Variants in CAMK4 observed in about 807,000 individuals in gnomAD.
CAMK4 encodes calcium/calmodulin-dependent protein kinase type IV.
CAMK4 carries 22 observed loss-of-function variants against 44.9 expected under a neutral mutation model. The observed-to-expected ratio is 0.49, with a 90% CI of 0.35 to 0.70. The LOEUF (loss-of-function observed/expected upper bound fraction) is 0.70, where lower values mean the gene tolerates loss of function less well. Among genes scored for constraint, CAMK4 ranks in the 30% least tolerant of loss-of-function variants. CAMK4 has a pLI of 0.01. For missense variants in CAMK4, 498 were observed against 586.8 expected (o/e 0.85, Z 1.56); for synonymous variants, 218 against 215.4 (o/e 1.01, Z -0.11).
intron 1 of CAMK4, among the ~76,000 whole-genome samples, chr5:111,311,449 G>A (rs1200253470): frequency 6.6e-6 from 1 of 152,156 alleles, no homozygotes; most frequent in East Asian, 1.9e-4. Flanking sequence ...TAGATGATAC[G>A]TTGATGGGCC....
intron 1 of CAMK4, among the ~76,000 whole-genome samples, chr5:111,326,554 C>T (rs1748895133): frequency 4.0e-5 from 6 of 149,830 alleles, no homozygotes; most frequent in Non-Finnish European, 3.0e-5. Context: ...CAATCTTTTG[C>T]AGAAAATTAA....
At chr5:111,461,868 C>T (rs1467971081) in intron 7 of CAMK4, among the ~76,000 whole-genome samples, 2 of 132,758 alleles carry the variant, frequency 1.5e-5, no homozygotes, top group Non-Finnish European at 3.2e-5. Flanking sequence ...CTAATAGGGA[C>T]AATAATTCTG....
rs76859751 is a variant in CAMK4, at chr5:111,372,718, G to A, written c.241-2132G>A. ...AAGAGCTTTGATCAATACATGGTCT[G>A]AATCATGCAGAGTAGCTATGGTTTA... is the stretch of plus-strand genomic sequence containing the variant. On this transcript the variant is annotated intron_variant, in intron 2 of 10. Coordinates refer to ENST00000282356, the MANE Select transcript of CAMK4 (RefSeq NM_001744.6). Among the ~76,000 whole-genome samples, 947 of 152,260 alleles carry A rather than the reference G, an allele frequency of 6.2e-3. 4 individuals are homozygous for A. Among genetic ancestry groups the A allele is most frequent in the African/African-American group, 0.021 (878 of 41,552 alleles).
At chr5:111,278,611 A>G (rs1176290636) in intron 1 of CAMK4, among the ~76,000 whole-genome samples, 2 of 152,202 alleles carry the variant, frequency 1.3e-5, no homozygotes, top group Non-Finnish European at 2.9e-5. Context: ...GTGCAGTTCA[A>G]AAGTACCAGG....
At chr5:111,349,162 C>T (rs1177330734) in intron 2 of CAMK4, among the ~76,000 whole-genome samples, 3 of 151,974 alleles carry the variant, frequency 2.0e-5, no homozygotes, top group Admixed American at 2.0e-4. Context: ...ATTCCCTAGA[C>T]ATGACATTCA....
chr5:111,258,571 C>G (rs1000419728), intron 1 of CAMK4, among the ~76,000 whole-genome samples: 1 of 152,136 alleles, frequency 6.6e-6, no homozygotes, highest in African/African-American at 2.4e-5. Flanking sequence ...GAGACTGATT[C>G]ACTATCATGA....
intron 5 of CAMK4, among the ~76,000 whole-genome samples, chr5:111,426,106 A>T (rs1753217526): frequency 1.3e-5 from 2 of 152,178 alleles, no homozygotes; most frequent in Admixed American, 1.3e-4. Context: ...ATTAAAAAAA[A>T]ATCTAAGTAG....
chr5:111,313,009 A>G (rs1290189506), intron 1 of CAMK4, among the ~76,000 whole-genome samples: 1 of 152,148 alleles, frequency 6.6e-6, no homozygotes, highest in African/African-American at 2.4e-5. Context: ...ACCTTTCACT[A>G]CACCAAAGGG....
chr5:111,267,444 C>T (rs1302112862), intron 1 of CAMK4, among the ~76,000 whole-genome samples: 1 of 152,076 alleles, frequency 6.6e-6, no homozygotes, highest in African/African-American at 2.4e-5. Context: ...GGGCCGGGCG[C>T]GGTGGCTCAC....
intron 2 of CAMK4, among the ~76,000 whole-genome samples, chr5:111,345,816 T>C (rs1749840462): frequency 6.6e-6 from 1 of 151,962 alleles, no homozygotes; most frequent in Non-Finnish European, 1.5e-5. Flanking sequence ...GCCGCTCTGG[T>C]TCGTCCTTAC....
intron 1 of CAMK4, among the ~76,000 whole-genome samples, chr5:111,334,865 TAACTA>T (rs2112730702): frequency 6.6e-6 from 1 of 151,626 alleles, no homozygotes; most frequent in East Asian, 1.9e-4. Context: ...TATTTTGACA[TAACTA>T]TACTTTGTAA....
rs193133007 is a variant in CAMK4 at position 111,381,362 on chromosome 5, A to T, written c.386+4420A>T. ...GCCAGTCTGAGTTCTCAAACCTCAA[A>T]AGTAGGGAAGCCGATAATGCAGCCT... On this transcript the variant is annotated intron_variant, in intron 4 of 10. Transcript: ENST00000282356. 5.0e-4 allele frequency among the ~76,000 whole-genome samples: 76 copies of T among 152,266 alleles called. No individual in the cohort carries two copies. In the East Asian group the frequency reaches 0.014, roughly 28 times the overall value.
In CAMK4 at chr5:111,487,229, A is replaced by T. The variant is rs766444; in HGVS notation, c.*2763A>T. On this transcript the variant is annotated 3_prime_UTR_variant, in exon 11 of 11. Transcript: ENST00000282356. ...AAAAGAATTCAAATTTCAGCAAACA[A>T]TAAATTACATTTTACATTTTAGAGC... 6.6e-6 allele frequency: 1 copy of T among 152,318 alleles called. No homozygotes were observed. The highest frequency in any genetic ancestry group is 1.9e-4 in the East Asian group (1 of 5,184). The allele number at this position is 152,318 out of a possible 1,614,324, so 9.4% of individuals were successfully genotyped here.
At chr5:111,314,150 A>G (rs1748324891) in intron 1 of CAMK4, among the ~76,000 whole-genome samples, 1 of 152,116 alleles carries the variant, frequency 6.6e-6, no homozygotes, top group Admixed American at 6.6e-5. Context: ...TTAATATATA[A>G]GGTATGGCTG....
chr5:111,447,236 T>TA (rs1479687362), intron 6 of CAMK4, among the ~76,000 whole-genome samples: 1 of 152,148 alleles, frequency 6.6e-6, no homozygotes, highest in Non-Finnish European at 1.5e-5. Flanking sequence ...TGAACAGAGA[T>TA]AAATTAAGAT....
chr5:111,242,687 C>A (rs143537786), intron 1 of CAMK4, among the ~76,000 whole-genome samples: 31 of 152,214 alleles, frequency 2.0e-4, no homozygotes, highest in African/African-American at 5.8e-4. Flanking sequence ...ACAGCCGTTG[C>A]GCTTGCCGTC....
chr5:111,336,767 A>G (rs898772080), intron 1 of CAMK4, among the ~76,000 whole-genome samples: 2 of 151,228 alleles, frequency 1.3e-5, no homozygotes, highest in African/African-American at 4.8e-5. Context: ...TATTTTCCAT[A>G]AGAATGAAAA....
chr5:111,349,557 G>T (rs552547868), intron 2 of CAMK4, among the ~76,000 whole-genome samples: 1 of 151,996 alleles, frequency 6.6e-6, no homozygotes, highest in East Asian at 1.9e-4. Context: ...GTCAAAATTT[G>T]AACAAATTAA....
At chr5:111,314,249 G>A (rs1241093736) in intron 1 of CAMK4, among the ~76,000 whole-genome samples, 1 of 151,932 alleles carries the variant, frequency 6.6e-6, no homozygotes, top group African/African-American at 2.4e-5. Flanking sequence ...TGGTGGTCTT[G>A]GAACTACTTA....
Sources: allele counts gnomAD v4.1 joint callset (sites outside exome capture counted in the v4.1 genomes callset), GRCh38; gene constraint gnomAD v4.1.1; transcripts MANE v1.5; gene names NCBI Gene and HGNC (gene_info 2026-07-23, HGNC 2026-07-21).